The following AGBL1 variants were observed in gnomAD, a reference collection of about 807,000 sequenced individuals.
AGBL1 encodes AGBL carboxypeptidase 1.
A neutral mutation model predicts 118.9 loss-of-function variants in AGBL1; 130 were observed. The ratio of observed to expected loss-of-function variants is 1.09; its 90% CI spans 0.95 to 1.26. The LOEUF is 1.26. Among genes scored for constraint, AGBL1 ranks in the 50% most tolerant of loss-of-function variants. The probability of loss-of-function intolerance (pLI) is 0.00; values close to 1 mark genes in which losing one functional copy is unlikely to be tolerated. For synonymous variants in AGBL1, 555 were observed against 478.9 expected (o/e 1.16, Z -2.08); for missense variants, 1,584 against 1,298.1 (o/e 1.22, Z -3.38).
rs1451287723 is a variant in AGBL1, at chr15:86,295,251, C to G, written c.2221-4C>G. 13 of 1,613,318 alleles carry G rather than the reference C, an allele frequency of 8.1e-6. No individual in the cohort carries two copies. The highest frequency in any genetic ancestry group is 1.7e-4 in the Middle Eastern group (1 of 6,056). ...TATACATGCCTGCTTTATTTCTGCT[C>G]CAGACTCATCTTGACATCCTGGAAA... On this transcript the variant is annotated splice_region_variant and splice_polypyrimidine_tract_variant and intron_variant, in intron 16 of 22. Coordinates refer to ENST00000614907, the MANE Select transcript of AGBL1 (RefSeq NM_001386094.1).
rs143498374 is a variant in AGBL1, at chr15:86,817,463, T to TACACACACACAC, written c.3159-89606_3159-89595dup. On this transcript the variant is annotated intron_variant, in intron 22 of 22. Coordinates refer to ENST00000614907, the MANE Select transcript of AGBL1 (RefSeq NM_001386094.1). Reference sequence around the variant, plus strand: ...CAAGTGTGTGTGTGTCTCTGAGAGATACACACACACACACACACACACACA... The same window carrying TACACACACACAC: ...CAAGTGTGTGTGTGTCTCTGAGAGATACACACACACACACACACACACACACACACACACACA... Among the ~76,000 whole-genome samples, 227 of 133,474 alleles carry TACACACACACAC rather than the reference T, an allele frequency of 1.7e-3. 1 individual carries two copies. The highest frequency in any genetic ancestry group is 5.8e-3 in the African/African-American group (201 of 34,388). 87.6% of individuals were successfully genotyped at this position (133,474 alleles called of 152,430 possible).
chr15:86,470,578 A>G (rs1440174613), intron 18 of AGBL1, among the ~76,000 whole-genome samples: 1 of 152,174 alleles, frequency 6.6e-6, no homozygotes, highest in Non-Finnish European at 1.5e-5. Flanking sequence ...TATGAAAAAT[A>G]CCATTGTAAT....
intron 1 of AGBL1, among the ~76,000 whole-genome samples, chr15:86,136,800 C>G (rs4499205): frequency 0.52 from 79,154 of 151,882 alleles, 20,934 homozygotes; most frequent in South Asian, 0.59. Flanking sequence ...GCAACAGGGA[C>G]ACATAGAAGA....
intron 21 of AGBL1, among the ~76,000 whole-genome samples, chr15:86,562,557 G>A (rs1316715261): frequency 3.9e-5 from 6 of 152,190 alleles, no homozygotes; most frequent in African/African-American, 1.2e-4. Flanking sequence ...GTATTTTATT[G>A]AGGATTTTTG....
At chr15:86,806,780 G>A (rs2078719387) in intron 22 of AGBL1, among the ~76,000 whole-genome samples, 1 of 150,744 alleles carries the variant, frequency 6.6e-6, no homozygotes, top group South Asian at 2.1e-4. Flanking sequence ...TATACATAAT[G>A]CATATAATAT....
chr15:86,652,876 G>C (rs1432300048), intron 21 of AGBL1, among the ~76,000 whole-genome samples: 1 of 152,040 alleles, frequency 6.6e-6, no homozygotes, highest in Non-Finnish European at 1.5e-5. Flanking sequence ...GAGACATTTT[G>C]GGTTGTCCTA....
At chr15:86,175,132 C>T (rs946534445) in intron 5 of AGBL1, among the ~76,000 whole-genome samples, 7 of 151,834 alleles carry the variant, frequency 4.6e-5, no homozygotes, top group African/African-American at 1.7e-4. Flanking sequence ...GTCATCTGGT[C>T]CTGAGTTTTT....
chr15:86,973,438 G>A (rs928402870), intron 23 of AGBL1, among the ~76,000 whole-genome samples: 1 of 152,010 alleles, frequency 6.6e-6, no homozygotes, highest in Non-Finnish European at 1.5e-5. Context: ...TTGACTTCCT[G>A]TCATTTCCAA....
At chr15:87,004,220 T>C (rs762207506) in intron 24 of AGBL1, among the ~76,000 whole-genome samples, 35 of 152,192 alleles carry the variant, frequency 2.3e-4, no homozygotes, top group Non-Finnish European at 4.7e-4. Flanking sequence ...CATTTCGTTA[T>C]ATACCCAGTA....
At chr15:87,005,760 G>C (rs145158729) in intron 24 of AGBL1, among the ~76,000 whole-genome samples, 1 of 152,324 alleles carries the variant, frequency 6.6e-6, no homozygotes, top group Non-Finnish European at 1.5e-5. Context: ...TTTGGAAGAG[G>C]AGAGGTGCTC....
chr15:86,590,094 C>T (rs2084311777), intron 21 of AGBL1, among the ~76,000 whole-genome samples: 1 of 152,150 alleles, frequency 6.6e-6, no homozygotes, highest in African/African-American at 2.4e-5. Flanking sequence ...TTGGCCTCCC[C>T]AGTGGGCTGC....
intron 18 of AGBL1, among the ~76,000 whole-genome samples, chr15:86,492,136 TGATGAA>T (rs1312486489): frequency 4.6e-5 from 7 of 152,056 alleles, no homozygotes; most frequent in Non-Finnish European, 1.5e-5. Context: ...AGTGAAGCTA[TGATGAA>T]GATGAACATG....
At chr15:86,085,656 G>A (rs950907096) in intron 1 of AGBL1, among the ~76,000 whole-genome samples, 7 of 152,094 alleles carry the variant, frequency 4.6e-5, no homozygotes, top group South Asian at 2.1e-4. Flanking sequence ...CCCTCCTGTC[G>A]CTTACCTCAT....
chr15:86,467,480 A>T (rs967941123), intron 18 of AGBL1, among the ~76,000 whole-genome samples: 17 of 152,164 alleles, frequency 1.1e-4, no homozygotes, highest in Non-Finnish European at 1.8e-4. Flanking sequence ...GGGCAGTGAA[A>T]GGTTCTCTCT....
At chr15:86,430,549 C>A (rs943689555) in intron 18 of AGBL1, among the ~76,000 whole-genome samples, 3 of 151,348 alleles carry the variant, frequency 2.0e-5, no homozygotes, top group Admixed American at 6.6e-5. Context: ...AGACACTATT[C>A]TAGATCTTAG....
At chr15:86,182,302 T>C (rs1019820603) in intron 5 of AGBL1, among the ~76,000 whole-genome samples, 43 of 152,174 alleles carry the variant, frequency 2.8e-4, no homozygotes, top group African/African-American at 1.0e-3. Context: ...TCCCTTTCTC[T>C]TCTCTCCCTT....
At chr15:86,668,174 C>T (rs1251463924) in intron 21 of AGBL1, among the ~76,000 whole-genome samples, 5 of 152,190 alleles carry the variant, frequency 3.3e-5, no homozygotes, top group East Asian at 1.9e-4. Flanking sequence ...CACCAGACCC[C>T]ACCTCCAACA....
intron 5 of AGBL1, among the ~76,000 whole-genome samples, chr15:86,163,358 G>A (rs2077293499): frequency 6.6e-6 from 1 of 152,210 alleles, no homozygotes; most frequent in Non-Finnish European, 1.5e-5. Context: ...GGGCCCAGGA[G>A]TTTGAGACTA....
chr15:86,842,473 C>T (rs553338149), intron 22 of AGBL1, among the ~76,000 whole-genome samples: 1 of 152,286 alleles, frequency 6.6e-6, no homozygotes, highest in Admixed American at 6.5e-5. Flanking sequence ...ATTTCTATTT[C>T]AGTGTAATTA....
Sources: allele counts gnomAD v4.1 joint callset (sites outside exome capture counted in the v4.1 genomes callset), GRCh38; gene constraint gnomAD v4.1.1; transcripts MANE v1.5; gene names NCBI Gene and HGNC (gene_info 2026-07-23, HGNC 2026-07-21).